Variants in MERTK observed in about 807,000 individuals in gnomAD.
The protein encoded by MERTK is tyrosine-protein kinase Mer.
A neutral mutation model predicts 99.3 loss-of-function variants in MERTK; 69 were observed. The ratio of observed to expected loss-of-function variants is 0.70; its 90% CI spans 0.57 to 0.85. The LOEUF is 0.85. MERTK is among the 40% of genes least tolerant of loss of function. The probability of loss-of-function intolerance (pLI) is 0.00; values close to 1 mark genes in which losing one functional copy is unlikely to be tolerated. For missense variants in MERTK, 1,125 were observed against 1,249.4 expected (o/e 0.90, Z 1.50); for synonymous variants, 426 against 467.6 (o/e 0.91, Z 1.15).
chr2:111,911,045 A>G (rs966393976), intron 1 of MERTK, among the ~76,000 whole-genome samples: 1 of 152,162 alleles, frequency 6.6e-6, no homozygotes, highest in South Asian at 2.1e-4. Flanking sequence ...GCCCTATGCT[A>G]TGGACTTCAG....
In MERTK at chr2:112,024,146, GT is replaced by G. The variant is rs1677416401; in HGVS notation, c.2486+1757del. ...AAATTAGTTCTAGGGTTTCATGGTA[GT>G]TTTTAAAAGTGCCATGTTTATGAAG... On this transcript the variant is annotated intron_variant, in intron 18 of 18. Coordinates refer to ENST00000295408, the MANE Select transcript of MERTK (RefSeq NM_006343.3). Among the ~76,000 whole-genome samples the G allele has an allele frequency of 2.0e-5, 3 of 152,304 alleles. No homozygotes were observed. The East Asian group carries it at 5.8e-4, about 29-fold the overall frequency.
rs79309872 is a variant in MERTK, at chr2:112,027,595, A to C, written c.2487-756A>C. On this transcript the variant is annotated intron_variant, in intron 18 of 18. Coordinates refer to ENST00000295408, the MANE Select transcript of MERTK (RefSeq NM_006343.3). ...AAACAAAGTGGAAGGAGTTGTGAGG[A>C]GCACTTGGACGCAGGAGTTGTCCAA... Among the ~76,000 whole-genome samples the C allele has an allele frequency of 2.4e-4, 37 of 152,188 alleles. No individual in the cohort carries two copies. In the East Asian group the frequency reaches 6.8e-3, roughly 28 times the overall value.
chr2:111,957,113 G>A (rs892490673), intron 4 of MERTK, among the ~76,000 whole-genome samples: 1 of 151,850 alleles, frequency 6.6e-6, no homozygotes, highest in African/African-American at 2.4e-5. Context: ...ATTTTTAATA[G>A]AGGTGGGGTT....
Position 111,994,317 on chromosome 2 carries a change from G to A in MERTK, c.1363G>A (p.Ala455Thr). The A allele has an allele frequency of 6.2e-7, 1 of 1,614,192 alleles. No individual in the cohort carries two copies. Among genetic ancestry groups the A allele is most frequent in the Non-Finnish European group, 8.5e-7 (1 of 1,180,054 alleles). ...RARISVQVHN[A>T]TCTVRIAAVT... The stretch of plus-strand genomic sequence containing the variant: ...TCGGATCTCTGTTCAAGTCCACAAT[G>A]CTACGTGCACAGTGAGGATTGCAGC... Residue 455 changes from alanine (A) to threonine (T), a missense_variant, in exon 9 of 19, where the codon GCT becomes ACT. Ala to Thr is a moderately conservative substitution (Grantham distance 58, BLOSUM62 0). Transcript: ENST00000295408.
intron 11 of MERTK, among the ~76,000 whole-genome samples, chr2:112,002,501 C>T (rs994247236): frequency 4.6e-5 from 7 of 152,024 alleles, no homozygotes; most frequent in Non-Finnish European, 8.8e-5. Flanking sequence ...GGCAAACCAC[C>T]CCTACATGAA....
intron 8 of MERTK, among the ~76,000 whole-genome samples, chr2:111,986,453 A>G (rs1259054151): frequency 2.6e-5 from 4 of 152,238 alleles, no homozygotes; most frequent in Admixed American, 6.5e-5. Context: ...GCAGACACTT[A>G]GGCTGTCTAA....
At chr2:111,988,027 T>G (rs1176300240) in intron 8 of MERTK, among the ~76,000 whole-genome samples, 3 of 149,566 alleles carry the variant, frequency 2.0e-5, no homozygotes, top group Non-Finnish European at 4.4e-5. Flanking sequence ...TCTCACTCTG[T>G]CATTCAGGCT....
At chr2:112,015,085 G>A (rs1021518582) in intron 15 of MERTK, among the ~76,000 whole-genome samples, 1 of 152,152 alleles carries the variant, frequency 6.6e-6, no homozygotes, top group Non-Finnish European at 1.5e-5. Context: ...CTTTTCACCT[G>A]TTTAGGGACA....
chr2:111,912,922 A>G (rs1039838382), intron 1 of MERTK: 21 of 497,282 alleles, frequency 4.2e-5, no homozygotes, highest in Non-Finnish European at 4.9e-5. Context: ...CTTCCTAGCC[A>G]TGGAGAGCTG....
At chr2:111,967,112 G>A (rs907591658) in intron 5 of MERTK, among the ~76,000 whole-genome samples, 9 of 152,160 alleles carry the variant, frequency 5.9e-5, no homozygotes, top group Non-Finnish European at 1.3e-4. Flanking sequence ...AGTCCCTGCT[G>A]GTGTTCCCAC....
intron 8 of MERTK, among the ~76,000 whole-genome samples, chr2:111,992,790 A>G (rs183023335): frequency 6.6e-5 from 10 of 152,136 alleles, no homozygotes; most frequent in Admixed American, 5.2e-4. Flanking sequence ...AAAAAATAAT[A>G]AACCAGTGAA....
intron 4 of MERTK, among the ~76,000 whole-genome samples, chr2:111,956,933 TTTTTTTC>T (rs1356880110): frequency 1.3e-5 from 2 of 149,192 alleles, no homozygotes; most frequent in Non-Finnish European, 3.0e-5. Flanking sequence ...ACCTGCCTTC[TTTTTTTC>T]TTTTTTCTTT....
chr2:111,985,798 C>T (rs1676467941), intron 8 of MERTK, among the ~76,000 whole-genome samples: 1 of 152,130 alleles, frequency 6.6e-6, no homozygotes, highest in Non-Finnish European at 1.5e-5. Context: ...CACCAGGACC[C>T]TCCCATGGCA....
At chr2:111,956,915 A>G (rs1685157722) in intron 4 of MERTK, among the ~76,000 whole-genome samples, 1 of 150,908 alleles carries the variant, frequency 6.6e-6, no homozygotes, top group South Asian at 2.1e-4. Flanking sequence ...ATTTGGAGCT[A>G]TTAAGAGACC....
rs771763478 is a variant in MERTK at position 112,021,538 on chromosome 2, T to C, written c.2306T>C (p.Ile769Thr). 5 of 1,527,920 alleles carry C rather than the reference T, an allele frequency of 3.3e-6. No individual in the cohort carries two copies. Among genetic ancestry groups the C allele is most frequent in the Non-Finnish European group, 4.4e-6 (5 of 1,135,364 alleles). The allele number at this position is 1,527,920 out of a possible 1,614,324, so 94.6% of individuals were successfully genotyped here. A position where few individuals can be genotyped will look rare whatever the true frequency, so the allele number is the denominator to read the frequency against. ...AAGATGCCTGTTAAATGGATCGCCA[T>C]AGAAAGTCTTGCAGACCGAGTCTAC... is the stretch of plus-strand genomic sequence containing the variant. ...IAKMPVKWIA[I>T]ESLADRVYTS... The change falls in exon 17 of 19, where the codon ATA becomes ACA. Residue 769 changes from isoleucine (I) to threonine (T), a missense_variant. Coordinates refer to ENST00000295408, the MANE Select transcript of MERTK (RefSeq NM_006343.3).
rs1351481669 is a variant in MERTK, at chr2:112,008,475, G to T, written c.1960G>T (p.Gly654Cys). The T allele has an allele frequency of 6.2e-7, 1 of 1,613,192 alleles. No homozygotes were observed. Among genetic ancestry groups the T allele is most frequent in the Non-Finnish European group, 8.5e-7 (1 of 1,179,172 alleles). The change falls in exon 14 of 19, where the codon GGT (glycine) becomes TGT (cysteine). Residue 654 changes from glycine (G) to cysteine (C), a missense_variant and splice_region_variant. Gly to Cys is a radical substitution (Grantham distance 159). Coordinates refer to ENST00000295408, the MANE Select transcript of MERTK (RefSeq NM_006343.3). ...FSHPNVIRLL[G>C]VCIEMSSQGI... ...CCACCCAAATGTCATTCGACTTCTA[G>T]GTACTTCCGAGAAATGCAGGAGTGG... is the stretch of plus-strand genomic sequence containing the variant.
intron 8 of MERTK, among the ~76,000 whole-genome samples, chr2:111,987,808 A>G (rs1676516721): frequency 6.6e-6 from 1 of 152,184 alleles, no homozygotes; most frequent in Non-Finnish European, 1.5e-5. Flanking sequence ...TTTAACTTTG[A>G]CCCAGAATCG....
intron 15 of MERTK, among the ~76,000 whole-genome samples, chr2:112,017,762 A>G (rs1389768637): frequency 6.6e-6 from 1 of 152,150 alleles, no homozygotes; most frequent in Non-Finnish European, 1.5e-5. Context: ...GAGCATACCT[A>G]TGTTTTAAGA....
At chr2:111,955,765 G>T (rs2104712558) in intron 4 of MERTK, among the ~76,000 whole-genome samples, 1 of 152,108 alleles carries the variant, frequency 6.6e-6, no homozygotes, top group East Asian at 1.9e-4. Context: ...AAAATAAAAA[G>T]TTTCTTTTTT....
Sources: allele counts gnomAD v4.1 joint callset (sites outside exome capture counted in the v4.1 genomes callset), GRCh38; gene constraint gnomAD v4.1.1; transcripts MANE v1.5; gene names NCBI Gene and HGNC (gene_info 2026-07-23, HGNC 2026-07-21).